The following RELCH variants were observed in gnomAD, a reference collection of about 807,000 sequenced individuals.
The protein encoded by RELCH is RAB11-binding protein RELCH.
In RELCH, 41 loss-of-function variants were observed where a neutral mutation model predicts 150.3. The ratio of observed to expected loss-of-function variants is 0.27; its 90% CI spans 0.21 to 0.35. The LOEUF is 0.35. Ranked by LOEUF, RELCH falls within the 10% of genes least tolerant of loss-of-function variation. The probability of loss-of-function intolerance (pLI) is 1.00; values close to 1 mark genes in which losing one functional copy is unlikely to be tolerated. For missense variants in RELCH, 1,092 were observed against 1,467.8 expected (o/e 0.74, Z 4.18); for synonymous variants, 478 against 531.8 (o/e 0.90, Z 1.39).
chr18:62,270,144 T>A (rs2043812889), intron 20 of RELCH, among the ~76,000 whole-genome samples: 1 of 152,162 alleles, frequency 6.6e-6, no homozygotes, highest in Non-Finnish European at 1.5e-5. Context: ...TGTCTCCACA[T>A]GGCTTCTGAA....
At chr18:62,223,410 G>A (rs981330420) in intron 5 of RELCH, among the ~76,000 whole-genome samples, 7 of 151,832 alleles carry the variant, frequency 4.6e-5, no homozygotes, top group African/African-American at 1.7e-4. Context: ...TTATTTGAAG[G>A]GCTTTATATT....
chr18:62,261,708 C>T lies in RELCH; in HGVS notation c.2350+50C>T. On this transcript the variant is annotated intron_variant, in intron 16 of 28. Transcript: ENST00000644646. ...AAAATGTAGAATATTAGCAGCCTAG[C>T]TTCCCAAAGAATTGTTTTTTATTAA... is the stretch of plus-strand genomic sequence containing the variant. 4.0e-6 allele frequency: 6 copies of T among 1,509,716 alleles called. 1 individual carries two copies. In the South Asian group the frequency reaches 6.1e-5, roughly 15 times the overall value. The allele number at this position is 1,509,716 out of a possible 1,614,324, so 93.5% of individuals were successfully genotyped here. A position where few individuals can be genotyped will look rare whatever the true frequency, so the allele number is the denominator to read the frequency against.
chr18:62,301,368 A>G (rs1171825509), intron 28 of RELCH, among the ~76,000 whole-genome samples: 1 of 152,204 alleles, frequency 6.6e-6, no homozygotes, highest in African/African-American at 2.4e-5. Context: ...GATAGTAAAT[A>G]TTATTTTAAA....
chr18:62,299,242 A>G (rs549434241), intron 28 of RELCH, among the ~76,000 whole-genome samples: 1 of 152,334 alleles, frequency 6.6e-6, no homozygotes, highest in East Asian at 1.9e-4. Flanking sequence ...ATAAAGGACT[A>G]TCAACTTGGG....
chr18:62,258,413 A>G (rs2043091849), intron 14 of RELCH, 99 bp from the exon 15 acceptor site: 3 of 1,078,598 alleles, frequency 2.8e-6, no homozygotes, highest in South Asian at 3.3e-5. Context: ...GCTTAAAAAT[A>G]TGTTCTTAAT....
chr18:62,241,766 T>A (rs1006199394), intron 10 of RELCH, among the ~76,000 whole-genome samples: 1 of 152,210 alleles, frequency 6.6e-6, no homozygotes, highest in Non-Finnish European at 1.5e-5. Context: ...TATTAACTTA[T>A]GAATAGTCTG....
intron 8 of RELCH, 135 bp from the exon 9 acceptor site, chr18:62,231,059 T>C: frequency 1.7e-6 from 1 of 591,012 alleles, no homozygotes; most frequent in Non-Finnish European, 2.9e-6. Flanking sequence ...AAGTCACTGG[T>C]GGCTCAGAAA....
intron 12 of RELCH, among the ~76,000 whole-genome samples, chr18:62,253,133 A>G (rs2042811293): frequency 6.6e-6 from 1 of 152,114 alleles, no homozygotes; most frequent in Non-Finnish European, 1.5e-5. Context: ...GTGATGGGGA[A>G]TGCTCTCCTA....
chr18:62,242,014 C>T (rs893325139), intron 10 of RELCH, among the ~76,000 whole-genome samples: 2 of 152,162 alleles, frequency 1.3e-5, no homozygotes, highest in African/African-American at 4.8e-5. Context: ...TCCTTGCTGG[C>T]TCTGTCAGAA....
rs1487539568 is a variant in RELCH, at chr18:62,258,162, T to A, written c.2037+74T>A. The A allele has an allele frequency of 2.3e-6, 3 of 1,295,752 alleles. No individual in the cohort carries two copies. The African/African-American group carries it at 4.6e-5, about 20-fold the overall frequency. The allele number at this position is 1,295,752 out of a possible 1,614,324, so 80.3% of individuals were successfully genotyped here. The stretch of plus-strand genomic sequence containing the variant: ...TATTATAATATTCCAAATCTCTGAT[T>A]TAGATACTTTATAATGTATCATAAG... On this transcript the variant is annotated intron_variant, in intron 14 of 28. Coordinates refer to ENST00000644646, the MANE Select transcript of RELCH (RefSeq NM_001346231.2).
At chr18:62,271,570 G>A (rs938940952) in intron 20 of RELCH, among the ~76,000 whole-genome samples, 1 of 152,104 alleles carries the variant, frequency 6.6e-6, no homozygotes, top group African/African-American at 2.4e-5. Flanking sequence ...TTCTTTTGCT[G>A]TGCAGAAGCT....
intron 5 of RELCH, among the ~76,000 whole-genome samples, chr18:62,223,921 C>G (rs2041039214): frequency 6.6e-6 from 1 of 152,148 alleles, no homozygotes; most frequent in Non-Finnish European, 1.5e-5. Flanking sequence ...ATTTCCCCAA[C>G]TGATAGAGGA....
At chr18:62,279,604 T>C (rs17069713) in intron 22 of RELCH, among the ~76,000 whole-genome samples, 170 bp from the exon 23 acceptor site, 2,597 of 152,300 alleles carry the variant, frequency 0.017, 84 homozygotes, top group East Asian at 0.13. Context: ...TCCTAAGCAT[T>C]CTCTGCCTTT....
chr18:62,220,051 AT>A (rs1423880483), intron 2 of RELCH, among the ~76,000 whole-genome samples: 2 of 151,998 alleles, frequency 1.3e-5, no homozygotes, highest in Non-Finnish European at 2.9e-5. Context: ...TCAGAAATAT[AT>A]TTTTTCTCAA....
Position 62,227,359 on chromosome 18 carries a change from A to G in RELCH, c.929A>G (p.Asp310Gly). 6.2e-7 allele frequency: 1 copy of G among 1,612,612 alleles called. No homozygotes were observed. The highest frequency in any genetic ancestry group is 8.5e-7 in the Non-Finnish European group (1 of 1,179,120). The change falls in exon 6 of 29, where the codon GAT becomes GGT. Residue 310 changes from aspartate to glycine, a missense_variant. Asp to Gly is a moderately conservative substitution (Grantham distance 94, BLOSUM62 -1). Around this residue, in one of 4 missense-constraint regions of RELCH, gnomAD observed 190 missense variants for 276.2 expected, o/e 0.69. Transcript: ENST00000644646. ...CCAGACTTATTGCAACTCTACCGGG[A>G]TTTTGGAAATCATCAAGTAACTGGA... The part of the protein sequence containing the change: ...KPPDLLQLYR[D>G]FGNHQVTGKD...
At chr18:62,245,031 C>A (rs1431415570) in intron 11 of RELCH, among the ~76,000 whole-genome samples, 155 bp downstream of exon 11, 1 of 152,140 alleles carries the variant, frequency 6.6e-6, no homozygotes, top group Non-Finnish European at 1.5e-5. Flanking sequence ...TGGATTCACT[C>A]CTTCATGGTT....
At chr18:62,198,948 T>G (rs2039235368) in intron 1 of RELCH, among the ~76,000 whole-genome samples, 1 of 151,948 alleles carries the variant, frequency 6.6e-6, no homozygotes, top group African/African-American at 2.4e-5. Context: ...TTAGTTTTGC[T>G]TCTTCCTGCC....
intron 22 of RELCH, among the ~76,000 whole-genome samples, chr18:62,276,050 A>C (rs1424701739): frequency 1.3e-5 from 2 of 152,162 alleles, no homozygotes; most frequent in Admixed American, 1.3e-4. Context: ...TAAGTATGAA[A>C]TTGAAATAAC....
chr18:62,284,360 AG>A (rs995951622), intron 25 of RELCH: 4 of 152,216 alleles, frequency 2.6e-5, no homozygotes, highest in African/African-American at 9.6e-5. Context: ...GAACAGATTG[AG>A]GTGAGAAATT....
Sources: allele counts gnomAD v4.1 joint callset (sites outside exome capture counted in the v4.1 genomes callset), GRCh38; gene constraint gnomAD v4.1.1; regional missense constraint gnomAD v4.1.1; transcripts MANE v1.5; gene names NCBI Gene and HGNC (gene_info 2026-07-23, HGNC 2026-07-21).